Variants in LRRTM4 observed in about 807,000 individuals in gnomAD.
LRRTM4 encodes leucine-rich repeat transmembrane neuronal protein 4.
LRRTM4 carries 25 observed loss-of-function variants against 47.6 expected under a neutral mutation model. The observed-to-expected ratio is 0.53, with a 90% CI of 0.38 to 0.73. LRRTM4 has a LOEUF of 0.73. Among genes scored for constraint, LRRTM4 ranks in the 30% least tolerant of loss-of-function variants. The probability of loss-of-function intolerance (pLI) is 0.00; values close to 1 mark genes in which losing one functional copy is unlikely to be tolerated. For missense variants in LRRTM4, 638 were observed against 713.4 expected, an observed-to-expected ratio of 0.89 and a Z score of 1.20; for synonymous variants, 311 against 269.5, an observed-to-expected ratio of 1.15 and a Z score of -1.51.
chr2:76,933,849 G>A (rs1265841738), intron 3 of LRRTM4, among the ~76,000 whole-genome samples: 1 of 152,074 alleles, frequency 6.6e-6, no homozygotes, highest in Non-Finnish European at 1.5e-5. Flanking sequence ...AGTCAGCCAT[G>A]ACATTTCTGG....
intron 3 of LRRTM4, among the ~76,000 whole-genome samples, chr2:77,129,198 G>C (rs991519075): frequency 3.9e-5 from 6 of 152,192 alleles, no homozygotes; most frequent in Non-Finnish European, 8.8e-5. Flanking sequence ...TATTGTTACT[G>C]TCTGCTATGA....
chr2:77,071,703 C>G (rs1558562695), intron 3 of LRRTM4, among the ~76,000 whole-genome samples: 2 of 152,138 alleles, frequency 1.3e-5, no homozygotes, highest in Non-Finnish European at 2.9e-5. Flanking sequence ...AAATTGTTTT[C>G]TTGTTTAATA....
intron 3 of LRRTM4, among the ~76,000 whole-genome samples, chr2:76,975,206 T>C (rs1676377238): frequency 6.6e-6 from 1 of 151,720 alleles, no homozygotes. Context: ...CTGAGTTTCT[T>C]TTTTTCTCAT....
At chr2:77,447,038 T>C (rs954259769) in intron 3 of LRRTM4, among the ~76,000 whole-genome samples, 9 of 152,124 alleles carry the variant, frequency 5.9e-5, no homozygotes, top group African/African-American at 2.2e-4. Flanking sequence ...AAAACAATTT[T>C]TTAAACATAT....
At chr2:77,158,537 C>CT (rs912167954) in intron 3 of LRRTM4, among the ~76,000 whole-genome samples, 4 of 151,546 alleles carry the variant, frequency 2.6e-5, no homozygotes, top group African/African-American at 4.8e-5. Flanking sequence ...ATTTTTTTAC[C>CT]TTTTTTTTGC....
At chr2:77,200,010 C>G (rs1673929873) in intron 3 of LRRTM4, among the ~76,000 whole-genome samples, 1 of 151,922 alleles carries the variant, frequency 6.6e-6, no homozygotes, top group African/African-American at 2.4e-5. Context: ...TTTTATAAAT[C>G]AAACGTGTGG....
chr2:77,244,173 T>C (rs555991916), intron 3 of LRRTM4, among the ~76,000 whole-genome samples: 2 of 139,530 alleles, frequency 1.4e-5, no homozygotes, highest in Non-Finnish European at 3.1e-5. Flanking sequence ...TCTATCATTG[T>C]TGGACATTTG....
rs139033561 is a variant in LRRTM4 at position 77,236,581 on chromosome 2, G to A, written c.1551+281737C>T. ...GATGTTGAATGGGAATGATGAGAAT[G>A]AGCATCCTTTTCTCATATAAGTTCT... On this transcript the variant is annotated intron_variant, in intron 3 of 3. Coordinates refer to ENST00000409884, the MANE Select transcript of LRRTM4 (RefSeq NM_001134745.3). 7.2e-5 allele frequency among the ~76,000 whole-genome samples: 11 copies of A among 151,908 alleles called. No homozygotes were observed. In the East Asian group the frequency reaches 1.9e-3, roughly 27 times the overall value.
At chr2:77,055,892 G>C (rs1679587950) in intron 3 of LRRTM4, among the ~76,000 whole-genome samples, 1 of 151,592 alleles carries the variant, frequency 6.6e-6, no homozygotes, top group African/African-American at 2.4e-5. Context: ...CCTTTGTAGG[G>C]ACATGGATGA....
chr2:76,888,689 T>C (rs1194522353), intron 3 of LRRTM4, among the ~76,000 whole-genome samples: 3 of 151,854 alleles, frequency 2.0e-5, no homozygotes, highest in South Asian at 4.1e-4. Flanking sequence ...GATTTTAGTT[T>C]GGACCACTGC....
At chr2:76,951,429 C>T (rs1675489984) in intron 3 of LRRTM4, among the ~76,000 whole-genome samples, 1 of 152,000 alleles carries the variant, frequency 6.6e-6, no homozygotes, top group Non-Finnish European at 1.5e-5. Flanking sequence ...TTCAACTCTA[C>T]TCTTCATAAT....
chr2:77,215,660 C>T (rs1016117918), intron 3 of LRRTM4, among the ~76,000 whole-genome samples: 7 of 152,286 alleles, frequency 4.6e-5, no homozygotes, highest in Non-Finnish European at 7.4e-5. Flanking sequence ...TTTGAAGTGA[C>T]TCTGAGGCAC....
At chr2:76,802,891 T>A (rs1675781199) in intron 3 of LRRTM4, among the ~76,000 whole-genome samples, 1 of 152,134 alleles carries the variant, frequency 6.6e-6, no homozygotes, top group Non-Finnish European at 1.5e-5. Context: ...GGCTATTGGA[T>A]ATTCATTTGC....
chr2:77,112,905 G>C (rs931125512), intron 3 of LRRTM4, among the ~76,000 whole-genome samples: 6 of 152,074 alleles, frequency 3.9e-5, no homozygotes, highest in Non-Finnish European at 5.9e-5. Context: ...CTCATGGTTC[G>C]CATTCTCAAA....
Position 77,277,885 on chromosome 2 carries a change from T to G in LRRTM4, c.1551+240433A>C, listed in dbSNP as rs567230385. Reference sequence around the variant, plus strand: ...AGATTAGAAAACTGCAGCTATTCATTTCATATTAATTCTTGCCCTTATTAG... The same window carrying G: ...AGATTAGAAAACTGCAGCTATTCATGTCATATTAATTCTTGCCCTTATTAG... On this transcript the variant is annotated intron_variant, in intron 3 of 3. Coordinates refer to ENST00000409884, the MANE Select transcript of LRRTM4 (RefSeq NM_001134745.3). Among the ~76,000 whole-genome samples the G allele has an allele frequency of 2.0e-5, 3 of 152,142 alleles. No individual in the cohort carries two copies. In the East Asian group the frequency reaches 5.8e-4, roughly 29 times the overall value.
chr2:77,457,004 G>GTATGTA (rs1676579611), intron 3 of LRRTM4, among the ~76,000 whole-genome samples: 2 of 23,184 alleles, frequency 8.6e-5, no homozygotes, highest in Admixed American at 9.2e-4. Flanking sequence ...GTGTGTGTGT[G>GTATGTA]TATATATATA....
chr2:77,345,773 T>C (rs563676626), intron 3 of LRRTM4, among the ~76,000 whole-genome samples: 3 of 151,628 alleles, frequency 2.0e-5, no homozygotes, highest in Non-Finnish European at 4.4e-5. Context: ...ACATTCACCA[T>C]ATGAATTTGT....
intron 3 of LRRTM4, among the ~76,000 whole-genome samples, chr2:77,248,537 C>A (rs72809129): frequency 0.11 from 17,175 of 151,974 alleles, 1,137 homozygotes; most frequent in East Asian, 0.31. Context: ...TAGATATAAA[C>A]AAACTAACTC....
At chr2:76,772,405 G>C (rs1242283226) in intron 3 of LRRTM4, among the ~76,000 whole-genome samples, 4 of 152,222 alleles carry the variant, frequency 2.6e-5, no homozygotes, top group Non-Finnish European at 5.9e-5. Flanking sequence ...GAAAGAAGTA[G>C]TGATAGGCAA....
Sources: allele counts gnomAD v4.1 joint callset (sites outside exome capture counted in the v4.1 genomes callset), GRCh38; gene constraint gnomAD v4.1.1; transcripts MANE v1.5; gene names NCBI Gene and HGNC (gene_info 2026-07-23, HGNC 2026-07-21).